CAMTA1: variants seen among roughly 807,000 people sequenced by gnomAD.
CAMTA1 encodes the protein calmodulin binding transcription activator 1.
A neutral mutation model predicts 170.9 loss-of-function variants in CAMTA1; 27 were observed. The ratio of observed to expected loss-of-function variants is 0.16; its 90% CI spans 0.12 to 0.22. The LOEUF (loss-of-function observed/expected upper bound fraction) is 0.22. Among genes scored for constraint, CAMTA1 ranks in the 10% least tolerant of loss-of-function variants. The probability of loss-of-function intolerance (pLI) is 1.00; values close to 1 mark genes in which losing one functional copy is unlikely to be tolerated. For missense variants in CAMTA1, 1,619 were observed against 2,217.2 expected (o/e 0.73, Z 5.42); for synonymous variants, 833 against 891.5 (o/e 0.93, Z 1.17).
At position 7,026,243 on chromosome 1, in the gene CAMTA1, A is replaced by T. The variant is rs145363137; in HGVS notation, c.235-65061A>T. On this transcript the variant is annotated intron_variant, in intron 3 of 22. Transcript: ENST00000303635. ...GGATGAAGCTGGTGGCAGCACAAAG[A>T]GCGAGGCGTGAGGCAGGCAGCAGTG... is the stretch of plus-strand genomic sequence containing the variant. 2.9e-3 allele frequency among the ~76,000 whole-genome samples: 446 copies of T among 152,270 alleles called. 3 individuals are homozygous for T. The highest frequency in any genetic ancestry group is 0.01 in the African/African-American group (418 of 41,554).
intron 9 of CAMTA1, among the ~76,000 whole-genome samples, chr1:7,669,836 C>G (rs1418968174): frequency 6.6e-6 from 1 of 152,182 alleles, no homozygotes; most frequent in South Asian, 2.1e-4. Flanking sequence ...CAGTGACCAG[C>G]CCCTCTCCTC....
intron 5 of CAMTA1, among the ~76,000 whole-genome samples, chr1:7,319,793 T>C (rs557252890): frequency 2.0e-5 from 3 of 152,222 alleles, no homozygotes; most frequent in Admixed American, 2.0e-4. Context: ...AAACAAAGCG[T>C]AAAGTTTGTG....
At position 7,647,405 on chromosome 1, in the gene CAMTA1, C is replaced by T. The variant is rs2095815703; in HGVS notation, c.664+6852C>T. 1.3e-5 allele frequency among the ~76,000 whole-genome samples: 2 copies of T among 152,178 alleles called. 1 individual carries two copies. The highest frequency in any genetic ancestry group is 4.1e-4 in the South Asian group (2 of 4,834). On this transcript the variant is annotated intron_variant, in intron 7 of 22. Transcript: ENST00000303635. ...GGCTCGCGGAGCCGTTCCTGGTCGA[C>T]CAGCGCCACCTGGTGGCCAGTGGCA... is the stretch of plus-strand genomic sequence containing the variant.
At chr1:7,539,462 G>T (rs976710578) in intron 6 of CAMTA1, among the ~76,000 whole-genome samples, 2 of 152,252 alleles carry the variant, frequency 1.3e-5, no homozygotes, top group African/African-American at 4.8e-5. Context: ...TCAAGAGAAA[G>T]CACGTAGCAT....
At chr1:6,889,566 C>T (rs1318757734) in intron 3 of CAMTA1, among the ~76,000 whole-genome samples, 3 of 152,278 alleles carry the variant, frequency 2.0e-5, no homozygotes, top group Middle Eastern at 3.4e-3. Flanking sequence ...GCTTGTCTTA[C>T]GAGGATTCTA....
intron 6 of CAMTA1, among the ~76,000 whole-genome samples, chr1:7,616,919 A>G (rs969606515): frequency 6.6e-6 from 1 of 152,244 alleles, no homozygotes; most frequent in Admixed American, 6.5e-5. Flanking sequence ...GGGGCTCTAT[A>G]AAATAAGGCT....
chr1:7,093,546 A>G lies in CAMTA1; in HGVS notation c.302+2175A>G, dbSNP rs375173442. ...TCCTGGGCCAGACATCTGATTTCAG[A>G]TACGCAGACCCGTGCTGGGTTTCAG... On this transcript the variant is annotated intron_variant, in intron 4 of 22. Coordinates refer to ENST00000303635, the MANE Select transcript of CAMTA1 (RefSeq NM_015215.4). This position sits in a 1 kb window ranked among gnomAD's most constrained non-coding sequence, Gnocchi z 4.6. 1.3e-5 allele frequency among the ~76,000 whole-genome samples: 2 copies of G among 152,196 alleles called. No individual in the cohort carries two copies. Among genetic ancestry groups the G allele is most frequent in the African/African-American group, 4.8e-5 (2 of 41,452 alleles).
At chr1:7,725,328 C>T (rs537352571) in intron 11 of CAMTA1, among the ~76,000 whole-genome samples, 45 of 152,150 alleles carry the variant, frequency 3.0e-4, no homozygotes, top group Non-Finnish European at 2.8e-4. Flanking sequence ...GAGTAAAGGA[C>T]AAAGTAATAA....
chr1:7,262,192 A>G (rs1208794186), intron 5 of CAMTA1, among the ~76,000 whole-genome samples: 2 of 152,172 alleles, frequency 1.3e-5, no homozygotes, highest in Non-Finnish European at 2.9e-5. Flanking sequence ...TTGGCCTTCC[A>G]TGGACTGATC....
At chr1:6,930,938 C>A (rs1684294193) in intron 3 of CAMTA1, among the ~76,000 whole-genome samples, 1 of 152,254 alleles carries the variant, frequency 6.6e-6, no homozygotes, top group Non-Finnish European at 1.5e-5. Flanking sequence ...CTTGGCTCCG[C>A]CGCGTCTCCT....
Position 7,166,259 on chromosome 1 carries a change from G to C in CAMTA1, c.302+74888G>C, listed in dbSNP as rs188196303. ...TTTTTTGTATTTTTAGTAGAGACAG[G>C]GTTTCACCATGTTAGCCAGGATGGT... On this transcript the variant is annotated intron_variant, in intron 4 of 22. Transcript: ENST00000303635. Among the ~76,000 whole-genome samples the C allele has an allele frequency of 1.5e-3, 226 of 152,116 alleles. 1 individual carries two copies. Among genetic ancestry groups the C allele is most frequent in the African/African-American group, 5.1e-3 (211 of 41,496 alleles).
At chr1:6,906,865 A>G (rs1371033097) in intron 3 of CAMTA1, among the ~76,000 whole-genome samples, 1 of 152,216 alleles carries the variant, frequency 6.6e-6, no homozygotes, top group Non-Finnish European at 1.5e-5. Context: ...GTAAATCAAA[A>G]TATGTATTTT....
intron 5 of CAMTA1, among the ~76,000 whole-genome samples, chr1:7,398,588 T>C (rs2089631159): frequency 6.6e-6 from 1 of 152,084 alleles, no homozygotes; most frequent in Non-Finnish European, 1.5e-5. Flanking sequence ...CTGGGAAACT[T>C]AATCCATTTA....
intron 5 of CAMTA1, among the ~76,000 whole-genome samples, chr1:7,305,046 T>C (rs988639398): frequency 1.8e-4 from 28 of 152,144 alleles, no homozygotes; most frequent in African/African-American, 6.3e-4. Context: ...CAATATATTA[T>C]ACAACTTTAT....
chr1:7,042,620 G>A (rs1208701334), intron 3 of CAMTA1, among the ~76,000 whole-genome samples: 1 of 152,214 alleles, frequency 6.6e-6, no homozygotes, highest in Admixed American at 6.5e-5. Context: ...TCGGGGGAGG[G>A]GGAGCAGCAG....
intron 4 of CAMTA1, among the ~76,000 whole-genome samples, chr1:7,139,681 G>A (rs900003848): frequency 6.6e-6 from 1 of 152,208 alleles, no homozygotes; most frequent in Non-Finnish European, 1.5e-5. Context: ...TTGGCGACTA[G>A]GTAGTGTGTG....
intron 4 of CAMTA1, among the ~76,000 whole-genome samples, chr1:7,110,674 C>T (rs1284339354): frequency 1.3e-5 from 2 of 152,180 alleles, no homozygotes; most frequent in African/African-American, 4.8e-5. Flanking sequence ...GGTCGGATTC[C>T]TGCCTTTTCA....
rs887479307 is a variant in CAMTA1 at position 7,393,420 on chromosome 1, C to G, written c.439-74410C>G. Among the ~76,000 whole-genome samples, 7 of 152,236 alleles carry G rather than the reference C, an allele frequency of 4.6e-5. No individual in the cohort carries two copies. The East Asian group carries it at 1.4e-3, about 29-fold the overall frequency. Reference sequence around the variant, plus strand: ...AGCTGAGACCACAGGCATGCACCACCACACCCAGCTAATTTTTTATTTATT... The same window carrying G: ...AGCTGAGACCACAGGCATGCACCACGACACCCAGCTAATTTTTTATTTATT... On this transcript the variant is annotated intron_variant, in intron 5 of 22. Transcript: ENST00000303635.
chr1:7,549,446 A>G (rs1413619817), intron 6 of CAMTA1, among the ~76,000 whole-genome samples: 3 of 152,072 alleles, frequency 2.0e-5, no homozygotes, highest in African/African-American at 7.3e-5. Context: ...TATTCCCCCG[A>G]TTGGTGCCCA....
Sources: allele counts gnomAD v4.1 joint callset (sites outside exome capture counted in the v4.1 genomes callset), GRCh38; gene constraint gnomAD v4.1.1; non-coding constraint Gnocchi (gnomAD v3.1); transcripts MANE v1.5; gene names NCBI Gene and HGNC (gene_info 2026-07-23, HGNC 2026-07-21).